Variants in DCHS2 observed in about 807,000 individuals in gnomAD.
DCHS2 encodes the protein protocadherin-23.
DCHS2 carries 142 observed loss-of-function variants against 182.4 expected under a neutral mutation model. The observed-to-expected ratio is 0.78, with a 90% CI of 0.68 to 0.89. DCHS2 has a LOEUF of 0.89. Ranked by LOEUF, DCHS2 falls within the 40% of genes least tolerant of loss-of-function variation. The pLI is 0.00. For missense variants in DCHS2, 4,319 were observed against 4,198.6 expected (o/e 1.03, Z -0.79); for synonymous variants, 1,740 against 1,663.3 (o/e 1.05, Z -1.12).
chr4:154,304,137 G>A (rs910039612), intron 12 of DCHS2, among the ~76,000 whole-genome samples: 6 of 150,910 alleles, frequency 4.0e-5, no homozygotes, highest in African/African-American at 1.5e-4. Flanking sequence ...GCATCCCAGT[G>A]GTAGCTAAAG....
In DCHS2 at chr4:154,332,748, G is replaced by T. The variant is rs774530028; in HGVS notation, c.3460C>A (p.Gln1154Lys). 18 of 1,614,080 alleles carry T rather than the reference G, an allele frequency of 1.1e-5. 1 individual carries two copies. In the South Asian group the frequency reaches 1.9e-4, roughly 17 times the overall value. Residue 1154 changes from glutamine to lysine, a missense_variant, in exon 5 of 20, where the codon CAA (glutamine) becomes AAA (lysine). Gln to Lys is a moderately conservative substitution (Grantham distance 53). Transcript: ENST00000357232. ...GCAAACACTCTAAAATTATATGTTT[G>T]GGTGGATTCATAGTCAAACTGTCGC... ...LRRQFDYEST[Q>K]TYNFRVFAWI... is the part of the protein sequence containing the mutation.
intron 3 of DCHS2, among the ~76,000 whole-genome samples, chr4:154,355,417 G>T (rs1306156895): frequency 6.6e-6 from 1 of 152,154 alleles, no homozygotes; most frequent in African/African-American, 2.4e-5. Context: ...CCTCAATTTG[G>T]AGAATTTCCT....
intron 5 of DCHS2, among the ~76,000 whole-genome samples, chr4:154,331,890 AC>A (rs1736545311): frequency 6.6e-6 from 1 of 152,190 alleles, no homozygotes; most frequent in Admixed American, 6.5e-5. Context: ...AAATATAGTG[AC>A]TTTTAATCTT....
intron 1 of DCHS2, among the ~76,000 whole-genome samples, chr4:154,445,057 T>C (rs982129547): frequency 2.6e-5 from 4 of 152,174 alleles, no homozygotes; most frequent in Non-Finnish European, 4.4e-5. Flanking sequence ...GACCACCTTA[T>C]CTGAAAGAGC....
rs1735838190 is a variant in DCHS2, at chr4:154,315,909, C to T, written c.5099G>A (p.Gly1700Asp). The part of the protein sequence containing the change: ...HILTVLALDD[G>D]TPALSSSQTL... ...CTGGGATGAAGAAAGTGCTGGTGTGCCATCATCCAGTGCCAGAACAGTCAG... is the reference window on the plus strand; with the variant it reads ...CTGGGATGAAGAAAGTGCTGGTGTGTCATCATCCAGTGCCAGAACAGTCAG... Residue 1700 changes from glycine to aspartate, a missense_variant, in exon 10 of 20, where the codon GGC (glycine) becomes GAC (aspartate). Physicochemically the swap from Gly to Asp is moderately conservative, Grantham distance 94. Coordinates refer to ENST00000357232, the MANE Select transcript of DCHS2 (RefSeq NM_001358235.2). The T allele has an allele frequency of 6.2e-7, 1 of 1,613,826 alleles. No homozygotes were observed. The highest frequency in any genetic ancestry group is 1.3e-5 in the African/African-American group (1 of 74,900).
chr4:154,245,942 T>A (rs907419902), intron 16 of DCHS2, among the ~76,000 whole-genome samples: 3 of 152,076 alleles, frequency 2.0e-5, no homozygotes, highest in Non-Finnish European at 4.4e-5. Flanking sequence ...AATGCACCAA[T>A]CTGGTGGGGA....
chr4:154,414,907 T>C (rs1248489792), intron 1 of DCHS2, among the ~76,000 whole-genome samples: 1 of 152,154 alleles, frequency 6.6e-6, no homozygotes, highest in Non-Finnish European at 1.5e-5. Flanking sequence ...AGTCATGCCA[T>C]TGGGGAACAC....
chr4:154,444,245 T>C (rs1250886503), intron 1 of DCHS2, among the ~76,000 whole-genome samples: 1 of 152,188 alleles, frequency 6.6e-6, no homozygotes, highest in Non-Finnish European at 1.5e-5. Flanking sequence ...TATATCCAAT[T>C]CTGATATATA....
At chr4:154,413,509 A>G (rs1732711836) in intron 1 of DCHS2, among the ~76,000 whole-genome samples, 1 of 152,214 alleles carries the variant, frequency 6.6e-6, no homozygotes, top group Non-Finnish European at 1.5e-5. Context: ...GATGCTGGAT[A>G]TCTCCAGGTG....
chr4:154,326,940 A>G (rs552633317), intron 7 of DCHS2, among the ~76,000 whole-genome samples: 2 of 152,312 alleles, frequency 1.3e-5, no homozygotes, highest in Admixed American at 6.5e-5. Context: ...GATTGAAATC[A>G]TACTGAATTA....
chr4:154,237,814 C>T (rs1731605693), intron 19 of DCHS2, among the ~76,000 whole-genome samples: 1 of 152,084 alleles, frequency 6.6e-6, no homozygotes, highest in African/African-American at 2.4e-5. Context: ...AGAATGCTGA[C>T]ATTTAAATGC....
At chr4:154,484,555 T>C (rs144846817) in intron 1 of DCHS2, among the ~76,000 whole-genome samples, 432 of 152,356 alleles carry the variant, frequency 2.8e-3, no homozygotes, top group African/African-American at 9.6e-3. Context: ...TTTCAATTAA[T>C]TCATACTTCC....
chr4:154,389,783 C>T (rs191095110), intron 1 of DCHS2, among the ~76,000 whole-genome samples: 79 of 150,706 alleles, frequency 5.2e-4, no homozygotes, highest in Non-Finnish European at 1.0e-3. Flanking sequence ...TCAAACAAAA[C>T]AAAAACCTCT....
chr4:154,491,086 C>G lies in DCHS2; in HGVS notation c.270G>C (p.Leu90=). The change falls in exon 1 of 20, where the codon CTG becomes CTC. Residue 90 remains leucine (L), a synonymous_variant. Transcript: ENST00000357232. Reference sequence around the variant, plus strand: ...TCCCCTCCTGCTGCTGCGCGGCCGGCAGCCCGGCGCGGATGTCACCTACCA... The same window carrying G: ...TCCCCTCCTGCTGCTGCGCGGCCGGGAGCCCGGCGCGGATGTCACCTACCA... The part of the protein sequence containing the change: ...DTLVGDIRAG[L]PAAQQQEGSG... 2 of 1,551,312 alleles carry G rather than the reference C, an allele frequency of 1.3e-6. No individual in the cohort carries two copies. Among genetic ancestry groups the G allele is most frequent in the Non-Finnish European group, 1.7e-6 (2 of 1,146,944 alleles).
intron 1 of DCHS2, among the ~76,000 whole-genome samples, chr4:154,407,206 C>G (rs554351957): frequency 1.4e-4 from 21 of 152,308 alleles, no homozygotes; most frequent in African/African-American, 4.8e-4. Flanking sequence ...CTAGCTGCTT[C>G]ACCATCATGG....
chr4:154,453,052 G>A (rs1734603733), intron 1 of DCHS2, among the ~76,000 whole-genome samples: 2 of 152,132 alleles, frequency 1.3e-5, no homozygotes, highest in African/African-American at 4.8e-5. Context: ...GGTGTAAGCT[G>A]AAGTCCAGGT....
chr4:154,310,900 C>A (rs1735647995), intron 10 of DCHS2, among the ~76,000 whole-genome samples: 1 of 152,194 alleles, frequency 6.6e-6, no homozygotes, highest in African/African-American at 2.4e-5. Context: ...GTCCAGTGAT[C>A]AAATCTGGCC....
At chr4:154,400,512 C>A (rs1053812480) in intron 1 of DCHS2, among the ~76,000 whole-genome samples, 26 of 152,094 alleles carry the variant, frequency 1.7e-4, no homozygotes, top group Non-Finnish European at 2.9e-4. Context: ...TGGATGCTAC[C>A]TGACACCCTT....
chr4:154,259,395 T>C (rs915743710), intron 15 of DCHS2, 150 bp downstream of exon 15: 3 of 1,407,688 alleles, frequency 2.1e-6, no homozygotes, highest in South Asian at 3.3e-5. Context: ...TCATCCCATC[T>C]ATAAAATGTA....
Sources: gnomAD v4.1 joint callset for allele counts (sites outside exome capture counted in the v4.1 genomes callset) on GRCh38, gnomAD v4.1.1 for gene constraint, MANE v1.5 for transcripts, NCBI Gene and HGNC (gene_info 2026-07-23, HGNC 2026-07-21) for gene names.